PCDH15: variants seen among roughly 807,000 people sequenced by gnomAD.
The protein encoded by PCDH15 is protocadherin related 15.
Under a neutral mutation model 178.5 loss-of-function variants are expected in PCDH15, and 129 were observed. The ratio of observed to expected loss-of-function variants is 0.72; its 90% CI spans 0.63 to 0.84. The LOEUF is 0.84. PCDH15 is among the 40% of genes least tolerant of loss of function. The pLI is 0.00. For missense variants in PCDH15, 2,230 were observed against 2,099.9 expected, an observed-to-expected ratio of 1.06 and a Z score of -1.21; for synonymous variants, 800 against 732.0, an observed-to-expected ratio of 1.09 and a Z score of -1.50.
intron 2 of PCDH15, among the ~76,000 whole-genome samples, chr10:54,654,622 G>A (rs1463117120): frequency 1.3e-5 from 2 of 152,158 alleles, no homozygotes; most frequent in Non-Finnish European, 2.9e-5. Context: ...AGATTTGACA[G>A]AACATCTAAC....
At chr10:55,273,957 T>C (rs930760203) in intron 1 of PCDH15, among the ~76,000 whole-genome samples, 1 of 152,052 alleles carries the variant, frequency 6.6e-6, no homozygotes, top group Non-Finnish European at 1.5e-5. Context: ...TACAAGGCCA[T>C]CCATGTAAAA....
chr10:54,296,601 CCTTCTTTAGG>C (rs1161366900), intron 8 of PCDH15, among the ~76,000 whole-genome samples: 1 of 152,050 alleles, frequency 6.6e-6, no homozygotes, highest in Non-Finnish European at 1.5e-5. Context: ...GACTCTATTC[CCTTCTTTAGG>C]CACCCAGGCT....
chr10:55,439,653 C>CA (rs1839134213), intron 2 of PCDH15, among the ~76,000 whole-genome samples: 1 of 149,648 alleles, frequency 6.7e-6, no homozygotes, highest in Non-Finnish European at 1.5e-5. Flanking sequence ...AATATGGTGA[C>CA]AAAATAGAAA....
chr10:55,259,894 C>G (rs532660450), intron 1 of PCDH15, among the ~76,000 whole-genome samples: 1 of 29,908 alleles, frequency 3.3e-5, no homozygotes, highest in South Asian at 1.4e-3. Flanking sequence ...AAGAGCAAAA[C>G]TCCGTCTCAA....
chr10:54,174,302 G>A (rs925946271), intron 13 of PCDH15, among the ~76,000 whole-genome samples: 1 of 151,914 alleles, frequency 6.6e-6, no homozygotes, highest in Admixed American at 6.6e-5. Context: ...GGAGGCCGAG[G>A]CAGGCAGATC....
chr10:54,324,651 C>A (rs1156422765), intron 7 of PCDH15, among the ~76,000 whole-genome samples: 1 of 151,936 alleles, frequency 6.6e-6, no homozygotes, highest in Non-Finnish European at 1.5e-5. Context: ...CCTGTAATAC[C>A]AACTACTCGG....
intron 2 of PCDH15, among the ~76,000 whole-genome samples, chr10:54,934,728 G>A (rs1464928738): frequency 6.6e-6 from 1 of 151,216 alleles, no homozygotes; most frequent in Admixed American, 6.6e-5. Context: ...CCCATTACTG[G>A]GTATATACCC....
chr10:54,872,631 C>A (rs934174944), intron 3 of PCDH15, among the ~76,000 whole-genome samples: 3 of 152,072 alleles, frequency 2.0e-5, no homozygotes, highest in African/African-American at 7.2e-5. Context: ...TAATGGTCAT[C>A]ATTTTTGGCT....
At chr10:55,622,039 A>T (rs1348796088) in intron 2 of PCDH15, among the ~76,000 whole-genome samples, 1 of 141,074 alleles carries the variant, frequency 7.1e-6, no homozygotes. Flanking sequence ...TGTATATATA[A>T]TATATATATA....
intron 21 of PCDH15, among the ~76,000 whole-genome samples, chr10:53,964,485 A>ATTATTTATAAAAATTTTATTTATAAATT (rs2088772470): frequency 1.7e-5 from 1 of 59,798 alleles, no homozygotes; most frequent in Non-Finnish European, 3.4e-5. Flanking sequence ...TTATTTAAAA[A>ATTATTTATAAAAATTTTATTTATAAATT]TTATTTATAA....
At chr10:55,207,968 C>CA (rs1175183836) in intron 1 of PCDH15, among the ~76,000 whole-genome samples, 2 of 151,804 alleles carry the variant, frequency 1.3e-5, no homozygotes, top group African/African-American at 2.4e-5. Flanking sequence ...CAGTCTATCT[C>CA]AAAAAACAAA....
intron 1 of PCDH15, among the ~76,000 whole-genome samples, chr10:55,247,136 A>T (rs1430167337): frequency 6.6e-6 from 1 of 152,172 alleles, no homozygotes; most frequent in African/African-American, 2.4e-5. Context: ...ACTGTATCTT[A>T]GAGTTTGTTC....
intron 1 of PCDH15, among the ~76,000 whole-genome samples, chr10:55,210,908 G>C (rs1050937509): frequency 6.6e-6 from 1 of 151,882 alleles, no homozygotes; most frequent in Admixed American, 6.6e-5. Context: ...TTACAGGCGT[G>C]AACCACCGTG....
At chr10:54,593,254 A>G (rs61855861) in intron 2 of PCDH15, among the ~76,000 whole-genome samples, 4,107 of 152,184 alleles carry the variant, frequency 0.027, 124 homozygotes, top group Admixed American at 0.096. Context: ...GCCAGAACCA[A>G]TGACAAGAAT....
At chr10:54,035,319 G>C (rs916722102) in intron 18 of PCDH15, among the ~76,000 whole-genome samples, 1 of 151,890 alleles carries the variant, frequency 6.6e-6, no homozygotes, top group Non-Finnish European at 1.5e-5. Context: ...GATGCCTTAA[G>C]CAAATATATT....
chr10:54,290,167 G>C (rs2059301743), intron 8 of PCDH15, among the ~76,000 whole-genome samples: 3 of 152,176 alleles, frequency 2.0e-5, no homozygotes, highest in African/African-American at 7.2e-5. Flanking sequence ...TACCCACAAA[G>C]GGAAGCCAAT....
intron 26 of PCDH15, among the ~76,000 whole-genome samples, chr10:53,889,811 A>G (rs910091702): frequency 1.3e-5 from 2 of 152,202 alleles, no homozygotes; most frequent in Admixed American, 6.5e-5. Context: ...AAATGAATCA[A>G]TTATTACTAC....
chr10:55,532,714 T>C (rs981949475), intron 2 of PCDH15, among the ~76,000 whole-genome samples: 2 of 152,010 alleles, frequency 1.3e-5, no homozygotes, highest in Non-Finnish European at 2.9e-5. Context: ...CTTTGATAGA[T>C]TGGTGTCAAG....
At chr10:54,621,352 T>C (rs1376306336) in intron 2 of PCDH15, among the ~76,000 whole-genome samples, 2 of 151,988 alleles carry the variant, frequency 1.3e-5, no homozygotes, top group African/African-American at 4.8e-5. Context: ...TGCTGATCTC[T>C]GCATACCTCC....
Sources: allele counts gnomAD v4.1 joint callset (sites outside exome capture counted in the v4.1 genomes callset), GRCh38; gene constraint gnomAD v4.1.1; transcripts MANE v1.5; gene names NCBI Gene and HGNC (gene_info 2026-07-23, HGNC 2026-07-21).